The following YAF2 variants were observed in gnomAD, a reference collection of about 807,000 sequenced individuals.
The protein encoded by YAF2 is YY1-associated factor 2.
YAF2 carries 7 observed loss-of-function variants against 20.1 expected under a neutral mutation model. That is an observed-to-expected ratio of 0.35 (90% CI 0.20 to 0.65). The LOEUF (loss-of-function observed/expected upper bound fraction) is 0.65. Among genes scored for constraint, YAF2 ranks in the 30% least tolerant of loss-of-function variants. YAF2 has a pLI of 0.69. For synonymous variants in YAF2, 74 were observed against 76.0 expected, an observed-to-expected ratio of 0.97 and a Z score of 0.14; for missense variants, 151 against 219.2, an observed-to-expected ratio of 0.69 and a Z score of 1.96.
chr12:42,163,206 C>T (rs956569910), intron 2 of YAF2, among the ~76,000 whole-genome samples: 2 of 151,996 alleles, frequency 1.3e-5, no homozygotes, highest in Non-Finnish European at 2.9e-5. Context: ...CTGGTGAATA[C>T]TGTTACTACT....
intron 2 of YAF2, among the ~76,000 whole-genome samples, chr12:42,185,407 A>T (rs1036100294): frequency 6.6e-6 from 1 of 152,244 alleles, no homozygotes; most frequent in Non-Finnish European, 1.5e-5. Flanking sequence ...AACTTAATTG[A>T]TAAAGAAGCA....
Position 42,237,606 on chromosome 12 carries a change from A to C in YAF2, c.145T>G (p.Ser49Ala), listed in dbSNP as rs1488768980. Residue 49 changes from serine (S) to alanine (A), a missense_variant, in exon 2 of 4, where the codon TCC becomes GCC. By Grantham distance (99) the Ser-to-Ala change is moderately conservative (BLOSUM62 1). Transcript: ENST00000534854. ...GGCAGGCCCGGGACTCACCGGGTGG[A>C]GGTGCCCTTCCGCACATCGCACATC... ...CMMCDVRKGTSTRKPRPVSQL... is the reference protein window; with the variant it reads ...CMMCDVRKGTATRKPRPVSQL... 3 of 1,537,470 alleles carry C rather than the reference A, an allele frequency of 2.0e-6. No homozygotes were observed. The highest frequency in any genetic ancestry group is 5.1e-5 in the East Asian group (2 of 39,050).
At chr12:42,179,789 C>CAA (rs71084622) in intron 2 of YAF2, among the ~76,000 whole-genome samples, 2,171 of 85,072 alleles carry the variant, frequency 0.026, 71 homozygotes, top group African/African-American at 0.049. Flanking sequence ...GTCTAAAAGG[C>CAA]AAAAAAAAAA....
At chr12:42,195,652 T>A (rs767424802) in intron 2 of YAF2, among the ~76,000 whole-genome samples, 1 of 152,220 alleles carries the variant, frequency 6.6e-6, no homozygotes, top group Non-Finnish European at 1.5e-5. Flanking sequence ...AATGTACCTA[T>A]TTTATGATGG....
chr12:42,208,754 A>G (rs555684227), intron 2 of YAF2, among the ~76,000 whole-genome samples: 1 of 152,240 alleles, frequency 6.6e-6, no homozygotes, highest in Non-Finnish European at 1.5e-5. Context: ...AGAAATCAGA[A>G]TGCAGAAAAG....
chr12:42,188,917 A>G (rs1399302888), intron 2 of YAF2, among the ~76,000 whole-genome samples: 1 of 152,194 alleles, frequency 6.6e-6, no homozygotes, highest in Admixed American at 6.5e-5. Flanking sequence ...AACAGACATG[A>G]TGAATCCAGT....
intron 2 of YAF2, among the ~76,000 whole-genome samples, chr12:42,219,455 A>G (rs540210209): frequency 6.6e-6 from 1 of 152,328 alleles, no homozygotes; most frequent in African/African-American, 2.4e-5. Flanking sequence ...TAGGAGGTAT[A>G]ACAGAGAAAG....
intron 2 of YAF2, among the ~76,000 whole-genome samples, chr12:42,194,352 A>G (rs2066693564): frequency 6.6e-6 from 1 of 152,168 alleles, no homozygotes; most frequent in Non-Finnish European, 1.5e-5. Context: ...AAGTAAAATA[A>G]ATCTAAGCCG....
chr12:42,214,242 T>A (rs1281260905), intron 2 of YAF2, among the ~76,000 whole-genome samples: 1 of 152,190 alleles, frequency 6.6e-6, no homozygotes, highest in East Asian at 1.9e-4. Context: ...GCTTTCAACT[T>A]GCCGTTAACT....
At chr12:42,229,243 TA>T (rs1439006254) in intron 2 of YAF2, among the ~76,000 whole-genome samples, 1 of 114,522 alleles carries the variant, frequency 8.7e-6, no homozygotes, top group African/African-American at 3.6e-5. Context: ...CACCAATCCC[TA>T]ATCTCAAGTA....
At chr12:42,226,225 CTATAT>C (rs1412209257) in intron 2 of YAF2, among the ~76,000 whole-genome samples, 7 of 152,148 alleles carry the variant, frequency 4.6e-5, no homozygotes, top group African/African-American at 7.2e-5. Flanking sequence ...TCGTTTTTAG[CTATAT>C]TATATCATAT....
intron 2 of YAF2, among the ~76,000 whole-genome samples, chr12:42,211,742 CAAAAAAAAAAA>C (rs1173533325): frequency 2.4e-5 from 1 of 42,396 alleles, no homozygotes; most frequent in African/African-American, 9.0e-5. Context: ...AGACTCTGTC[CAAAAAAAAAAA>C]AAAAAAAAAA....
intron 2 of YAF2, among the ~76,000 whole-genome samples, chr12:42,204,602 C>T (rs914159929): frequency 5.9e-5 from 9 of 152,214 alleles, no homozygotes; most frequent in African/African-American, 2.2e-4. Flanking sequence ...CTGCAAACAA[C>T]ACAGGACTAT....
intron 1 of YAF2, 31 bp downstream of exon 1, chr12:42,238,124 A>C: frequency 6.7e-7 from 1 of 1,497,778 alleles, no homozygotes; most frequent in Non-Finnish European, 8.9e-7. Context: ...CCGCCCGCAC[A>C]GTCCGGGCCC....
chr12:42,238,122 A>G, intron 1 of YAF2, 33 bp downstream of exon 1: 1 of 1,495,006 alleles, frequency 6.7e-7, no homozygotes, highest in Non-Finnish European at 8.9e-7. Context: ...TGCCGCCCGC[A>G]CAGTCCGGGC....
chr12:42,173,132 G>T (rs913214502), intron 2 of YAF2, among the ~76,000 whole-genome samples: 1 of 152,094 alleles, frequency 6.6e-6, no homozygotes, highest in Non-Finnish European at 1.5e-5. Context: ...TCGCTCTATT[G>T]CCCAGACTGC....
intron 2 of YAF2, chr12:42,210,776 CACGT>C (rs2067186255): frequency 9.0e-7 from 1 of 1,111,858 alleles, no homozygotes; most frequent in East Asian, 2.7e-5. Flanking sequence ...ACTATATATA[CACGT>C]ATCAAAGTAA....
intron 2 of YAF2, among the ~76,000 whole-genome samples, chr12:42,186,545 G>A (rs1204497439): frequency 1.3e-5 from 2 of 151,564 alleles, no homozygotes; most frequent in Non-Finnish European, 3.0e-5. Flanking sequence ...GCATAGTGGC[G>A]GGTGCCTGTA....
intron 2 of YAF2, among the ~76,000 whole-genome samples, chr12:42,193,621 C>A (rs900049614): frequency 4.6e-5 from 7 of 152,080 alleles, no homozygotes; most frequent in African/African-American, 1.7e-4. Context: ...ATCCTCCCAC[C>A]TCAGCCTCCT....
Sources: allele counts gnomAD v4.1 joint callset (sites outside exome capture counted in the v4.1 genomes callset), GRCh38; gene constraint gnomAD v4.1.1; transcripts MANE v1.5; gene names NCBI Gene and HGNC (gene_info 2026-07-23, HGNC 2026-07-21).